Variants in JAK1 observed in about 807,000 individuals in gnomAD.
JAK1 encodes the protein Janus kinase 1.
In JAK1, 16 loss-of-function variants were observed where a neutral mutation model predicts 136.6. The observed-to-expected ratio is 0.12, with a 90% CI of 0.08 to 0.18. The LOEUF is 0.18. Ranked by LOEUF, JAK1 falls within the 10% of genes least tolerant of loss-of-function variation. The probability of loss-of-function intolerance (pLI) is 1.00; values close to 1 mark genes in which losing one functional copy is unlikely to be tolerated. For synonymous variants in JAK1, 492 were observed against 519.5 expected (o/e 0.95, Z 0.72); for missense variants, 859 against 1,450.1 (o/e 0.59, Z 6.62).
chr1:64,962,858 A>G (rs888657801), intron 1 of JAK1, among the ~76,000 whole-genome samples: 5 of 152,186 alleles, frequency 3.3e-5, no homozygotes, highest in Non-Finnish European at 4.4e-5. Flanking sequence ...ACTTGAGATC[A>G]GAAGTTCTAG....
At chr1:64,950,648 T>C (rs1177994064) in intron 1 of JAK1, among the ~76,000 whole-genome samples, 5 of 152,154 alleles carry the variant, frequency 3.3e-5, no homozygotes, top group Non-Finnish European at 2.9e-5. Flanking sequence ...CATAAGACAC[T>C]GCCCTTCAGA....
chr1:64,835,243 T>C (rs1378364008), intron 24 of JAK1, among the ~76,000 whole-genome samples, 153 bp downstream of exon 24: 1 of 152,214 alleles, frequency 6.6e-6, no homozygotes, highest in African/African-American at 2.4e-5. Flanking sequence ...GATTTCTCAG[T>C]TATCTTATGT....
At chr1:64,866,389 A>G (rs769890831) in intron 7 of JAK1, among the ~76,000 whole-genome samples, 30 of 152,214 alleles carry the variant, frequency 2.0e-4, no homozygotes, top group Non-Finnish European at 4.3e-4. Context: ...AGCAAAATCA[A>G]TTAGTCAATT....
At chr1:65,011,949 G>A (rs1449315289) in intron 2 of JAK1, among the ~76,000 whole-genome samples, 1 of 152,226 alleles carries the variant, frequency 6.6e-6, no homozygotes, top group Non-Finnish European at 1.5e-5. Flanking sequence ...TGAGTCAGCA[G>A]TACAATTGGG....
At chr1:64,873,321 C>T (rs767452698) in intron 5 of JAK1, 49 bp downstream of exon 5, 20 of 1,609,180 alleles carry the variant, frequency 1.2e-5, no homozygotes, top group Admixed American at 1.7e-5. Context: ...CTCTACAATG[C>T]CTCTCCCATC....
chr1:64,952,673 C>G (rs1646112732), intron 1 of JAK1, among the ~76,000 whole-genome samples: 1 of 151,966 alleles, frequency 6.6e-6, no homozygotes, highest in African/African-American at 2.4e-5. Context: ...GGACCAAAGA[C>G]AGAAGAAAAA....
chr1:64,948,040 T>C (rs1212331553), intron 1 of JAK1, among the ~76,000 whole-genome samples: 1 of 152,182 alleles, frequency 6.6e-6, no homozygotes, highest in Non-Finnish European at 1.5e-5. Flanking sequence ...GGTGAAACAT[T>C]TGAACAATTA....
intron 1 of JAK1, among the ~76,000 whole-genome samples, chr1:65,049,298 T>A (rs1344376178): frequency 6.6e-6 from 1 of 152,150 alleles, no homozygotes; most frequent in African/African-American, 2.4e-5. Flanking sequence ...AGTGCACACC[T>A]GTAGTCCCAG....
chr1:64,836,667 C>A (rs1228138834), intron 22 of JAK1, among the ~76,000 whole-genome samples: 1 of 152,154 alleles, frequency 6.6e-6, no homozygotes, highest in African/African-American at 2.4e-5. Flanking sequence ...AGGCATTCCA[C>A]CGCACCCAAT....
chr1:64,980,977 T>A (rs535195605), intron 2 of JAK1, among the ~76,000 whole-genome samples: 1 of 152,232 alleles, frequency 6.6e-6, no homozygotes, highest in Non-Finnish European at 1.5e-5. Flanking sequence ...TCTATCATTG[T>A]TGGGCATCAA....
rs949405116 is a variant in JAK1 at position 64,841,580 on chromosome 1, G to A, written c.2425C>T (p.Arg809Trp). The A allele has an allele frequency of 1.9e-6, 3 of 1,613,992 alleles. No individual in the cohort carries two copies. The highest frequency in any genetic ancestry group is 2.5e-6 in the Non-Finnish European group (3 of 1,180,024). Residue 809 changes from arginine to tryptophan, a missense_variant, in exon 18 of 25, where the codon CGG becomes TGG. Transcript: ENST00000342505. ...LIEKERFYES[R>W]CRPVTPSCKE... ...CATGATGGTGTCACTGGCCTGCACCGGCTTTCATAGAATCTCTCTTTCTGT... is the reference window on the plus strand; with the variant it reads ...CATGATGGTGTCACTGGCCTGCACCAGCTTTCATAGAATCTCTCTTTCTGT...
chr1:65,045,471 T>C (rs1647175951), intron 1 of JAK1, among the ~76,000 whole-genome samples: 1 of 152,126 alleles, frequency 6.6e-6, no homozygotes, highest in African/African-American at 2.4e-5. Flanking sequence ...CTCTGTGATG[T>C]GGCATTTGTG....
At chr1:64,910,828 A>G (rs1262565221) in intron 1 of JAK1, among the ~76,000 whole-genome samples, 2 of 147,084 alleles carry the variant, frequency 1.4e-5, no homozygotes, top group African/African-American at 2.6e-5. Context: ...TGGATGACAA[A>G]GCAAGACTCT....
intron 1 of JAK1, among the ~76,000 whole-genome samples, chr1:64,960,844 A>G (rs1208093201): frequency 6.6e-6 from 1 of 152,176 alleles, no homozygotes; most frequent in Non-Finnish European, 1.5e-5. Context: ...ATGCTCAACA[A>G]CTTGACCTCT....
intron 2 of JAK1, among the ~76,000 whole-genome samples, chr1:64,988,460 C>G (rs1646620281): frequency 6.6e-6 from 1 of 152,114 alleles, no homozygotes; most frequent in Non-Finnish European, 1.5e-5. Flanking sequence ...GCAGAGTAGG[C>G]AGCCCCAAGC....
chr1:64,908,805 C>A (rs754559028), intron 1 of JAK1, among the ~76,000 whole-genome samples: 2 of 152,036 alleles, frequency 1.3e-5, no homozygotes, highest in South Asian at 2.1e-4. Flanking sequence ...ATGAATATAA[C>A]CTCTATGCAT....
chr1:64,861,894 C>T (rs548755127), intron 8 of JAK1, among the ~76,000 whole-genome samples: 10 of 151,990 alleles, frequency 6.6e-5, no homozygotes, highest in Admixed American at 6.5e-4. Flanking sequence ...ATTCAAGATG[C>T]TCTGAACAAG....
At chr1:64,944,030 G>T (rs1024678747) in intron 1 of JAK1, among the ~76,000 whole-genome samples, 1 of 151,746 alleles carries the variant, frequency 6.6e-6, no homozygotes, top group Non-Finnish European at 1.5e-5. Context: ...AGACCATGCT[G>T]GCTAACACAG....
chr1:65,054,137 CAT>C (rs968821398), intron 1 of JAK1, among the ~76,000 whole-genome samples: 12 of 152,198 alleles, frequency 7.9e-5, no homozygotes, highest in African/African-American at 2.2e-4. Context: ...GCTAATAAAA[CAT>C]GTGATCCCTT....
Sources: allele counts gnomAD v4.1 joint callset (sites outside exome capture counted in the v4.1 genomes callset), GRCh38; gene constraint gnomAD v4.1.1; transcripts MANE v1.5; gene names NCBI Gene and HGNC (gene_info 2026-07-23, HGNC 2026-07-21).